RIMBP2: variants seen among roughly 807,000 people sequenced by gnomAD.
RIMBP2 encodes RIMS binding protein 2.
A neutral mutation model predicts 118.6 loss-of-function variants in RIMBP2; 48 were observed. The observed-to-expected ratio is 0.40, with a 90% confidence interval of 0.32 to 0.51. The LOEUF (loss-of-function observed/expected upper bound fraction) is 0.51. Among genes scored for constraint, RIMBP2 ranks in the 20% least tolerant of loss-of-function variants. RIMBP2 has a pLI of 0.41. For missense variants in RIMBP2, 1,551 were observed against 1,768.3 expected (o/e 0.88, Z 2.20); for synonymous variants, 762 against 742.9 (o/e 1.03, Z -0.42).
chr12:130,526,383 A>G (rs1475590689), intron 2 of RIMBP2, among the ~76,000 whole-genome samples: 2 of 152,210 alleles, frequency 1.3e-5, no homozygotes, highest in African/African-American at 4.8e-5. Flanking sequence ...TGAAAGCCAG[A>G]TGACTTCTAC....
chr12:130,557,285 C>T (rs1298911142), intron 2 of RIMBP2, among the ~76,000 whole-genome samples: 1 of 152,068 alleles, frequency 6.6e-6, no homozygotes, highest in African/African-American at 2.4e-5. Context: ...TCAGGAGGAC[C>T]CAGTCCTGCT....
intron 2 of RIMBP2, among the ~76,000 whole-genome samples, chr12:130,596,318 C>T (rs1338715468): frequency 2.6e-5 from 4 of 152,114 alleles, no homozygotes; most frequent in African/African-American, 7.2e-5. Flanking sequence ...ACACCAAGGG[C>T]GTTACTTTCA....
At chr12:130,636,025 G>A (rs929834914) in intron 1 of RIMBP2, among the ~76,000 whole-genome samples, 13 of 152,116 alleles carry the variant, frequency 8.5e-5, no homozygotes, top group Admixed American at 3.3e-4. Context: ...CTCGTGACCT[G>A]GTTCCGCTAA....
chr12:130,455,296 A>C (rs2079332127), intron 7 of RIMBP2, among the ~76,000 whole-genome samples: 1 of 152,254 alleles, frequency 6.6e-6, no homozygotes, highest in African/African-American at 2.4e-5. Context: ...ACCATCTAGA[A>C]GAGCCCAAGT....
At chr12:130,558,060 G>A (rs930219429) in intron 2 of RIMBP2, among the ~76,000 whole-genome samples, 1 of 152,180 alleles carries the variant, frequency 6.6e-6, no homozygotes, top group African/African-American at 2.4e-5. Flanking sequence ...CTCACGTCTG[G>A]CATAGAATCA....
Position 130,688,637 on chromosome 12 carries a change from G to T in RIMBP2, c.-352+27585C>A, listed in dbSNP as rs988766673. On this transcript the variant is annotated intron_variant, in intron 1 of 22. Transcript: ENST00000690449. This position sits in a 1 kb window ranked among gnomAD's most constrained non-coding sequence, Gnocchi z 4.7. ...CATTCTCCCAGCCCTGCAGCAGGAG[G>T]GTGTGCTGGCCTTTCTTGGTGCCCA... is the stretch of plus-strand genomic sequence containing the variant. Among the ~76,000 whole-genome samples the T allele has an allele frequency of 6.6e-6, 1 of 152,040 alleles. No individual in the cohort carries two copies. The highest frequency in any genetic ancestry group is 1.5e-5 in the Non-Finnish European group (1 of 68,022).
rs2075305049 is a variant in RIMBP2, at chr12:130,407,689, G to A, written c.3693+37C>T. The A allele has an allele frequency of 4.0e-6, 6 of 1,506,758 alleles. No individual in the cohort carries two copies. The East Asian group carries it at 1.4e-4, about 34-fold the overall frequency. 93.3% of individuals were successfully genotyped at this position (1,506,758 alleles called of 1,614,324 possible). A position where few individuals can be genotyped will look rare whatever the true frequency, so the allele number is the denominator to read the frequency against. On this transcript the variant is annotated intron_variant, in intron 20 of 22. Coordinates refer to ENST00000690449, the MANE Select transcript of RIMBP2 (RefSeq NM_001393629.1). The stretch of plus-strand genomic sequence containing the variant: ...TACCACGAGGGAAGGGAAGGGTGTG[G>A]TTGTGTCCGTCATGAAGTGCAGTGT...
At chr12:130,496,926 A>G (rs953716742) in intron 4 of RIMBP2, among the ~76,000 whole-genome samples, 4 of 152,124 alleles carry the variant, frequency 2.6e-5, no homozygotes, top group African/African-American at 9.7e-5. Context: ...GCTTAAAACA[A>G]CAGCAACCCA....
At chr12:130,418,047 C>G (rs892563505) in intron 17 of RIMBP2, among the ~76,000 whole-genome samples, 1 of 152,134 alleles carries the variant, frequency 6.6e-6, no homozygotes, top group Non-Finnish European at 1.5e-5. Context: ...CGAGATGACA[C>G]AGGTATGCAG....
chr12:130,535,024 T>C (rs1566215746), intron 2 of RIMBP2, among the ~76,000 whole-genome samples: 1 of 152,190 alleles, frequency 6.6e-6, no homozygotes, highest in Non-Finnish European at 1.5e-5. Flanking sequence ...GGAAAGCCTG[T>C]CTGAAGCCCA....
At chr12:130,605,580 T>C (rs559698202) in intron 2 of RIMBP2, among the ~76,000 whole-genome samples, 29 of 152,320 alleles carry the variant, frequency 1.9e-4, no homozygotes, top group Admixed American at 8.5e-4. Context: ...TTTTTAATGA[T>C]GCATGATAAA....
At chr12:130,462,380 G>A (rs111317665) in intron 6 of RIMBP2, among the ~76,000 whole-genome samples, 1 of 152,348 alleles carries the variant, frequency 6.6e-6, no homozygotes, top group Non-Finnish European at 1.5e-5. Flanking sequence ...AGGCCGCGCT[G>A]CCGCAAGCCT....
intron 2 of RIMBP2, among the ~76,000 whole-genome samples, chr12:130,557,270 C>A (rs764689056): frequency 6.6e-6 from 1 of 152,098 alleles, no homozygotes; most frequent in Admixed American, 6.5e-5. Flanking sequence ...GAGCCCCCCA[C>A]AGCCTCAGGA....
chr12:130,414,506 C>G (rs2075982243), intron 17 of RIMBP2, 200 bp from the exon 18 acceptor site: 1 of 503,198 alleles, frequency 2.0e-6, no homozygotes, highest in South Asian at 2.6e-5. Context: ...CAGCCACACT[C>G]TGTACCTGGC....
At chr12:130,574,697 G>A (rs938557974) in intron 2 of RIMBP2, among the ~76,000 whole-genome samples, 1 of 152,030 alleles carries the variant, frequency 6.6e-6, no homozygotes, top group Non-Finnish European at 1.5e-5. Context: ...TTTTCTCAAG[G>A]ACTCCAGAGA....
intron 2 of RIMBP2, among the ~76,000 whole-genome samples, chr12:130,521,014 T>C (rs1474316101): frequency 2.6e-5 from 4 of 152,118 alleles, no homozygotes; most frequent in Non-Finnish European, 5.9e-5. Flanking sequence ...GTCCCCACTG[T>C]CCCCTGCAGT....
At chr12:130,649,203 G>A (rs946487854) in intron 1 of RIMBP2, among the ~76,000 whole-genome samples, 9 of 144,574 alleles carry the variant, frequency 6.2e-5, no homozygotes, top group South Asian at 2.1e-4. Flanking sequence ...TGCCAAGCGC[G>A]TGTGTGACTG....
intron 2 of RIMBP2, among the ~76,000 whole-genome samples, chr12:130,582,465 C>T (rs562346142): frequency 1.1e-4 from 17 of 152,210 alleles, no homozygotes; most frequent in African/African-American, 3.6e-4. Context: ...CTGCCACGCC[C>T]GCCCACCTGC....
chr12:130,709,791 G>A (rs570638809), intron 1 of RIMBP2, among the ~76,000 whole-genome samples: 13 of 152,140 alleles, frequency 8.5e-5, no homozygotes, highest in Admixed American at 8.5e-4. Flanking sequence ...CACACTGGGT[G>A]TGGCACCAGG....
Sources: allele counts gnomAD v4.1 joint callset (sites outside exome capture counted in the v4.1 genomes callset), GRCh38; gene constraint gnomAD v4.1.1; non-coding constraint Gnocchi (gnomAD v3.1); transcripts MANE v1.5; gene names NCBI Gene and HGNC (gene_info 2026-07-23, HGNC 2026-07-21).